Variants in TNPO3 observed in about 807,000 individuals in gnomAD.
TNPO3 encodes the protein transportin 3, also known as transportin-3.
Under a neutral mutation model 122.8 loss-of-function variants are expected in TNPO3, and 65 were observed. The observed-to-expected ratio is 0.53, with a 90% CI of 0.43 to 0.65. The LOEUF (loss-of-function observed/expected upper bound fraction) is 0.65. Ranked by LOEUF, TNPO3 falls within the 30% of genes least tolerant of loss-of-function variation. TNPO3 has a pLI of 0.00. For missense variants in TNPO3, 850 were observed against 1,136.7 expected, an observed-to-expected ratio of 0.75 and a Z score of 3.63; for synonymous variants, 372 against 411.2, an observed-to-expected ratio of 0.90 and a Z score of 1.15.
intron 12 of TNPO3, among the ~76,000 whole-genome samples, chr7:128,985,803 C>A (rs1489686816): frequency 6.6e-6 from 1 of 152,114 alleles, no homozygotes; most frequent in African/African-American, 2.4e-5. Flanking sequence ...AAAAGAAAAT[C>A]TGATATAAAA....
chr7:128,998,579 A>G (rs1256873065), intron 7 of TNPO3, among the ~76,000 whole-genome samples: 1 of 152,120 alleles, frequency 6.6e-6, no homozygotes, highest in East Asian at 1.9e-4. Context: ...GCTGGAGTAC[A>G]GTGGTGTAAT....
chr7:129,046,746 A>C (rs969896055), intron 1 of TNPO3, among the ~76,000 whole-genome samples: 1 of 152,218 alleles, frequency 6.6e-6, no homozygotes, highest in African/African-American at 2.4e-5. Flanking sequence ...GGGAGGCTTC[A>C]CAATTATGGC....
intron 21 of TNPO3, among the ~76,000 whole-genome samples, chr7:128,965,685 G>A (rs1041154479): frequency 6.6e-6 from 1 of 152,166 alleles, no homozygotes; most frequent in African/African-American, 2.4e-5. Flanking sequence ...CAGCCCAAAT[G>A]GCCATCAACA....
Position 128,986,765 on chromosome 7 carries a change from G to C in TNPO3, c.1654C>G (p.Leu552Val), listed in dbSNP as rs1800200593. Residue 552 changes from leucine to valine, a missense_variant, in exon 12 of 23, where the codon CTG becomes GTG. By Grantham distance (32) the Leu-to-Val change is conservative. Transcript: ENST00000265388. ...CCCACAGCAGCTTCTGGAGACAACAGGAAGGAATCGAGGGAGCGGGCAATC... is the reference window on the plus strand; with the variant it reads ...CCCACAGCAGCTTCTGGAGACAACACGAAGGAATCGAGGGAGCGGGCAATC... ...LEIARSLDSF[L>V]LSPEAAVGLL... The C allele has an allele frequency of 6.2e-7, 1 of 1,613,962 alleles. No homozygotes were observed. Among genetic ancestry groups the C allele is most frequent in the East Asian group, 2.2e-5 (1 of 44,868 alleles).
chr7:128,994,402 C>T (rs936387588), intron 8 of TNPO3, among the ~76,000 whole-genome samples: 7 of 152,030 alleles, frequency 4.6e-5, no homozygotes, highest in African/African-American at 1.4e-4. Flanking sequence ...AAGTCAGCTG[C>T]CCACCTCGAC....
At chr7:128,996,067 A>C (rs376022458) in intron 8 of TNPO3, among the ~76,000 whole-genome samples, 1 of 152,174 alleles carries the variant, frequency 6.6e-6, no homozygotes, top group East Asian at 1.9e-4. Flanking sequence ...ATCATGACTA[A>C]GGTTGTGTGG....
intron 21 of TNPO3, among the ~76,000 whole-genome samples, chr7:128,965,282 A>C (rs1797827500): frequency 1.3e-5 from 2 of 152,270 alleles, no homozygotes; most frequent in Admixed American, 1.3e-4. Flanking sequence ...ACTTGAATAG[A>C]CATTTCTCCA....
At position 129,054,909 on chromosome 7, in the gene TNPO3, C is replaced by A. The variant is rs2150587151; in HGVS notation, c.-139G>T. The A allele has an allele frequency of 8.4e-7, 1 of 1,184,758 alleles. No homozygotes were observed. Among genetic ancestry groups the A allele is most frequent in the South Asian group, 1.4e-5 (1 of 70,526 alleles). 73.4% of individuals were successfully genotyped at this position (1,184,758 alleles called of 1,614,324 possible). On this transcript the variant is annotated 5_prime_UTR_variant, in exon 1 of 23. Coordinates refer to ENST00000265388, the MANE Select transcript of TNPO3 (RefSeq NM_012470.4). Reference sequence around the variant, plus strand: ...GCCATCTCCTCCTCTTTGGCCGTTACCAGGGCAGAAGGCTCTCCGTGGAAG... The same window carrying A: ...GCCATCTCCTCCTCTTTGGCCGTTAACAGGGCAGAAGGCTCTCCGTGGAAG...
chr7:129,026,707 T>C (rs1310299799), intron 1 of TNPO3, among the ~76,000 whole-genome samples: 1 of 151,792 alleles, frequency 6.6e-6, no homozygotes, highest in South Asian at 2.1e-4. Flanking sequence ...CCTGGCTGTT[T>C]GAATATTTTT....
intron 21 of TNPO3, among the ~76,000 whole-genome samples, chr7:128,958,304 C>T (rs900258863): frequency 1.3e-5 from 2 of 151,570 alleles, no homozygotes; most frequent in Non-Finnish European, 3.0e-5. Flanking sequence ...CCACCACGCC[C>T]GACTATTTTT....
intron 13 of TNPO3, among the ~76,000 whole-genome samples, chr7:128,983,584 A>AT (rs779283084): frequency 6.6e-5 from 10 of 152,206 alleles, no homozygotes; most frequent in Non-Finnish European, 1.0e-4. Context: ...TAGCCCATCA[A>AT]TCTTATTAAA....
At chr7:129,054,229 G>C (rs554293790) in intron 1 of TNPO3, among the ~76,000 whole-genome samples, 1 of 152,288 alleles carries the variant, frequency 6.6e-6, no homozygotes, top group South Asian at 2.1e-4. Flanking sequence ...CTACGACTGG[G>C]AGCAAAATGC....
intron 1 of TNPO3, among the ~76,000 whole-genome samples, chr7:129,027,890 G>A (rs1294581470): frequency 6.6e-6 from 1 of 152,020 alleles, no homozygotes; most frequent in African/African-American, 2.4e-5. Flanking sequence ...ACCCAGTGAA[G>A]GAAACAAGAA....
At chr7:129,028,973 A>G in intron 1 of TNPO3, 1 of 445,662 alleles carries the variant, frequency 2.2e-6, no homozygotes, top group South Asian at 1.7e-5. Context: ...TCTGGACCAA[A>G]AAATTAATGA....
chr7:128,991,898 G>C lies in TNPO3; in HGVS notation c.1358+101C>G, dbSNP rs369292950. On this transcript the variant is annotated intron_variant, in intron 10 of 22. Transcript: ENST00000265388. Reference sequence around the variant, plus strand: ...CGGCACAACAGAAGTAAGAAGTTCTGAAAGTCTCCAGGTATATACCATATA... The same window carrying C: ...CGGCACAACAGAAGTAAGAAGTTCTCAAAGTCTCCAGGTATATACCATATA... 5 of 664,886 alleles carry C rather than the reference G, an allele frequency of 7.5e-6. No homozygotes were observed. The South Asian group carries it at 1.5e-4, about 19-fold the overall frequency. 41.2% of individuals were successfully genotyped at this position (664,886 alleles called of 1,614,324 possible).
At chr7:129,000,368 T>C in intron 7 of TNPO3, 61 bp downstream of exon 7, 1 of 1,446,598 alleles carries the variant, frequency 6.9e-7, no homozygotes, top group Non-Finnish European at 9.2e-7. Context: ...GGTAATGAAA[T>C]ATAGATAATA....
At chr7:128,991,341 C>A (rs1010676693) in intron 10 of TNPO3, among the ~76,000 whole-genome samples, 2 of 152,326 alleles carry the variant, frequency 1.3e-5, no homozygotes, top group Admixed American at 1.3e-4. Flanking sequence ...CCAATCAAGA[C>A]TGAATACAGA....
In TNPO3 at chr7:128,990,053, A is replaced by C; in HGVS notation, c.1406T>G (p.Leu469Arg). The change falls in exon 11 of 23, where the codon CTC (leucine) becomes CGC (arginine). Residue 469 changes from leucine (L) to arginine (R), a missense_variant. Physicochemically the swap from Leu to Arg is moderately radical, Grantham distance 102. Transcript: ENST00000265388. ...CACAGCCGTATGTACGGTCTCCGGG[A>C]GGCGGACAACTCCTTCTAGGACTTC... is the stretch of plus-strand genomic sequence containing the variant. ...LVEVLEGVVR[L>R]PETVHTAVRY... is the part of the protein sequence containing the mutation. 1 of 1,614,194 alleles carries C rather than the reference A, an allele frequency of 6.2e-7. No homozygotes were observed. Among genetic ancestry groups the C allele is most frequent in the South Asian group, 1.1e-5 (1 of 91,086 alleles).
chr7:128,987,693 G>A (rs1259073088), intron 11 of TNPO3, among the ~76,000 whole-genome samples: 2 of 152,046 alleles, frequency 1.3e-5, no homozygotes, highest in East Asian at 3.9e-4. Context: ...CAATTATCCT[G>A]CCTTAGCCTC....
Sources: gnomAD v4.1 joint callset for allele counts (sites outside exome capture counted in the v4.1 genomes callset) on GRCh38, gnomAD v4.1.1 for gene constraint, MANE v1.5 for transcripts, NCBI Gene and HGNC (gene_info 2026-07-23, HGNC 2026-07-21) for gene names.